Variants in WASF2 observed in about 807,000 individuals in gnomAD.
The protein encoded by WASF2 is actin-binding protein WASF2.
WASF2 carries 14 observed loss-of-function variants against 45.0 expected under a neutral mutation model. The ratio of observed to expected loss-of-function variants is 0.31; its 90% CI spans 0.21 to 0.49. The LOEUF (loss-of-function observed/expected upper bound fraction) is 0.49, where lower values mean the gene tolerates loss of function less well. Among genes scored for constraint, WASF2 ranks in the 20% least tolerant of loss-of-function variants. The pLI, the probability that WASF2 is intolerant of heterozygous loss-of-function variation, is 0.99. For missense variants in WASF2, 439 were observed against 636.1 expected (o/e 0.69, Z 3.33); for synonymous variants, 200 against 236.3 (o/e 0.85, Z 1.41).
intron 1 of WASF2, among the ~76,000 whole-genome samples, chr1:27,478,305 A>T (rs1227719422): frequency 6.6e-6 from 1 of 151,988 alleles, no homozygotes; most frequent in Non-Finnish European, 1.5e-5. Flanking sequence ...ATATGATGTA[A>T]GAATAAGCAA....
chr1:27,462,883 G>A (rs1253794775), intron 1 of WASF2, among the ~76,000 whole-genome samples: 3 of 151,906 alleles, frequency 2.0e-5, no homozygotes, highest in South Asian at 2.1e-4. Context: ...GCAATGGTGC[G>A]ATCTAGACTC....
intron 2 of WASF2, among the ~76,000 whole-genome samples, chr1:27,428,085 C>A (rs1386656534): frequency 6.6e-6 from 1 of 152,184 alleles, no homozygotes; most frequent in African/African-American, 2.4e-5. Flanking sequence ...TCTGGGCTAA[C>A]CCCCATCTTC....
In WASF2 at chr1:27,414,775, G is replaced by C; in HGVS notation, c.668+58C>G. ...GAAAGGTGTCACACCAGAGCTGTCA[G>C]ACTGTTGTCCCCAGCCCCTTCAAAG... On this transcript the variant is annotated intron_variant, in intron 6 of 8. Coordinates refer to ENST00000618852, the MANE Select transcript of WASF2 (RefSeq NM_006990.5). The surrounding 1 kb of genome is among the most constrained non-coding windows in gnomAD (Gnocchi z 4.1). 6.3e-7 allele frequency: 1 copy of C among 1,593,386 alleles called. No homozygotes were observed. The highest frequency in any genetic ancestry group is 1.1e-5 in the South Asian group (1 of 88,592).
chr1:27,483,572 A>G (rs1050610995), intron 1 of WASF2, among the ~76,000 whole-genome samples: 10 of 152,106 alleles, frequency 6.6e-5, no homozygotes, highest in African/African-American at 2.4e-4. Flanking sequence ...CCCAGGAGGC[A>G]GAGGTTACAG....
intron 1 of WASF2, among the ~76,000 whole-genome samples, chr1:27,476,983 A>G (rs2017774563): frequency 6.6e-6 from 1 of 152,214 alleles, no homozygotes; most frequent in East Asian, 1.9e-4. Context: ...TTAACATAGG[A>G]AAGGGGTTTC....
At chr1:27,454,111 G>GTA (rs1332606812) in intron 1 of WASF2, among the ~76,000 whole-genome samples, 3 of 135,782 alleles carry the variant, frequency 2.2e-5, no homozygotes, top group South Asian at 2.4e-4. Context: ...ATATATATGT[G>GTA]TATATATATG....
chr1:27,456,070 C>T (rs1465252951), intron 1 of WASF2, among the ~76,000 whole-genome samples: 1 of 152,040 alleles, frequency 6.6e-6, no homozygotes, highest in East Asian at 1.9e-4. Flanking sequence ...CACCTGTAAT[C>T]CCAGCACTTT....
intron 1 of WASF2, among the ~76,000 whole-genome samples, chr1:27,485,623 T>C (rs2017912737): frequency 6.6e-6 from 1 of 152,176 alleles, no homozygotes; most frequent in African/African-American, 2.4e-5. Flanking sequence ...GGTGTCTGTC[T>C]TCTATGTAAT....
At chr1:27,485,608 CAA>C (rs2017912541) in intron 1 of WASF2, among the ~76,000 whole-genome samples, 1 of 152,104 alleles carries the variant, frequency 6.6e-6, no homozygotes, top group South Asian at 2.1e-4. Context: ...ACAGAAACAA[CAA>C]AAGGTGTCTG....
intron 1 of WASF2, among the ~76,000 whole-genome samples, chr1:27,454,169 ATATATATATATATATATATTTT>A (rs1166505325): frequency 2.6e-5 from 1 of 38,244 alleles, no homozygotes; most frequent in African/African-American, 1.1e-4. Flanking sequence ...ATATATATAT[ATATATATATATATATATATTTT>A]TTTTTTTTTT....
Position 27,414,966 on chromosome 1 carries a change from A to G in WASF2, c.538-3T>C. On this transcript the variant is annotated splice_region_variant and splice_polypyrimidine_tract_variant and intron_variant, in intron 5 of 8. Coordinates refer to ENST00000618852, the MANE Select transcript of WASF2 (RefSeq NM_006990.5). This position sits in a 1 kb window ranked among gnomAD's most constrained non-coding sequence, Gnocchi z 4.1. ...TTTGGATTATCTTTCTTTTCTTTCT[A>G]TAATGAAAAGGAACAGGAAGGTCTT... 1 of 1,613,966 alleles carries G rather than the reference A, an allele frequency of 6.2e-7. No individual in the cohort carries two copies. The highest frequency in any genetic ancestry group is 8.5e-7 in the Non-Finnish European group (1 of 1,179,922).
At chr1:27,473,418 A>C (rs1047191117) in intron 1 of WASF2, among the ~76,000 whole-genome samples, 1 of 146,542 alleles carries the variant, frequency 6.8e-6, no homozygotes, top group Non-Finnish European at 1.5e-5. Context: ...ACTGCACTCC[A>C]CCCTGGGTAA....
At chr1:27,429,066 C>A in intron 1 of WASF2, 133 bp from the exon 2 acceptor site, 1 of 806,496 alleles carries the variant, frequency 1.2e-6, no homozygotes, top group Non-Finnish European at 1.9e-6. Flanking sequence ...CTTCATTCTC[C>A]CTATCTTTTT....
At chr1:27,431,989 A>G (rs2148113629) in intron 1 of WASF2, among the ~76,000 whole-genome samples, 1 of 152,354 alleles carries the variant, frequency 6.6e-6, no homozygotes, top group South Asian at 2.1e-4. Flanking sequence ...AAAGCCACCA[A>G]AGAGAGACAA....
chr1:27,483,822 G>A (rs577694076), intron 1 of WASF2, among the ~76,000 whole-genome samples: 7 of 151,556 alleles, frequency 4.6e-5, no homozygotes, highest in East Asian at 1.9e-4. Context: ...GCATGGTAGC[G>A]CTCACATGTA....
intron 1 of WASF2, among the ~76,000 whole-genome samples, chr1:27,478,425 A>T (rs988294622): frequency 1.3e-5 from 2 of 152,176 alleles, no homozygotes; most frequent in African/African-American, 4.8e-5. Context: ...GAACAGAAAA[A>T]GTCAGACACA....
chr1:27,430,888 G>A (rs527237536), intron 1 of WASF2, among the ~76,000 whole-genome samples: 3 of 150,764 alleles, frequency 2.0e-5, no homozygotes, highest in South Asian at 4.2e-4. Flanking sequence ...AACGTTGACT[G>A]TGAATACAAA....
chr1:27,456,817 C>A (rs1162055678), intron 1 of WASF2, among the ~76,000 whole-genome samples: 1 of 151,048 alleles, frequency 6.6e-6, no homozygotes, highest in Non-Finnish European at 1.5e-5. Flanking sequence ...TCCACTGCAA[C>A]CTCCGCCTCA....
Position 27,414,999 on chromosome 1 carries a change from C to T in WASF2, c.538-36G>A. On this transcript the variant is annotated intron_variant, in intron 5 of 8. Coordinates refer to ENST00000618852, the MANE Select transcript of WASF2 (RefSeq NM_006990.5). The surrounding 1 kb of genome is among the most constrained non-coding windows in gnomAD (Gnocchi z 4.1). ...AAGGAACAGGAAGGTCTTTGTAGAA[C>T]ATTTTCCAAGTTCTTCATTAAAATT... is the stretch of plus-strand genomic sequence containing the variant. 3.1e-6 allele frequency: 5 copies of T among 1,607,810 alleles called. No homozygotes were observed. The highest frequency in any genetic ancestry group is 3.4e-6 in the Non-Finnish European group (4 of 1,176,498).
Sources: allele counts gnomAD v4.1 joint callset (sites outside exome capture counted in the v4.1 genomes callset), GRCh38; gene constraint gnomAD v4.1.1; non-coding constraint Gnocchi (gnomAD v3.1); transcripts MANE v1.5; gene names NCBI Gene and HGNC (gene_info 2026-07-23, HGNC 2026-07-21).